Variants in NIPBL observed in about 807,000 individuals in gnomAD.
NIPBL encodes the protein NIPBL cohesin loading factor, also known as nipped-B-like protein.
NIPBL carries 19 observed loss-of-function variants against 321.8 expected under a neutral mutation model. The ratio of observed to expected loss-of-function variants is 0.06; its 90% confidence interval spans 0.04 to 0.09. The LOEUF is 0.09. NIPBL is among the 10% of genes least tolerant of loss of function. NIPBL has a pLI of 1.00. For missense variants in NIPBL, 2,210 were observed against 3,327.0 expected, an observed-to-expected ratio of 0.66 and a Z score of 8.26; for synonymous variants, 1,106 against 1,114.1, an observed-to-expected ratio of 0.99 and a Z score of 0.14.
At position 36,995,784 on chromosome 5, in the gene NIPBL, A is replaced by C. The variant is rs1746075684; in HGVS notation, c.3284A>C (p.Asp1095Ala). Residue 1095 changes from aspartate (D) to alanine (A), a missense_variant, in exon 11 of 47, where the codon GAT becomes GCT. This residue lies in a region of NIPBL where 381 missense variants were observed against 642.3 expected (regional missense o/e 0.59). Coordinates refer to ENST00000282516, the MANE Select transcript of NIPBL (RefSeq NM_133433.4). ...GAAATCAGTTCAGATGAAGATAATG[A>C]TAGTGATGAAGCTTTTGAATGTAAG... ...YAEISSDEDN[D>A]SDEAFESSRK... 1 of 1,613,288 alleles carries C rather than the reference A, an allele frequency of 6.2e-7. No individual in the cohort carries two copies. The highest frequency in any genetic ancestry group is 1.7e-5 in the Admixed American group (1 of 59,958).
chr5:36,957,766 T>C (rs1580329030), intron 3 of NIPBL, among the ~76,000 whole-genome samples: 1 of 149,250 alleles, frequency 6.7e-6, no homozygotes, highest in African/African-American at 2.6e-5. Flanking sequence ...GCAGACCATC[T>C]GAGGTCAGGA....
At chr5:37,058,854 T>G (rs373494890) in intron 43 of NIPBL, 37 bp from the exon 44 acceptor site, 91 of 1,600,876 alleles carry the variant, frequency 5.7e-5, no homozygotes, top group Non-Finnish European at 6.9e-5. Flanking sequence ...TAGTGGCATT[T>G]TGTTTTTATT....
At chr5:36,948,044 A>C (rs539515272) in intron 1 of NIPBL, among the ~76,000 whole-genome samples, 2 of 152,088 alleles carry the variant, frequency 1.3e-5, no homozygotes, top group South Asian at 4.1e-4. Flanking sequence ...AGAGATTAAA[A>C]TATAGAATCA....
intron 9 of NIPBL, among the ~76,000 whole-genome samples, chr5:36,982,543 AC>A (rs1473599821): frequency 6.6e-6 from 1 of 151,826 alleles, no homozygotes; most frequent in African/African-American, 2.4e-5. Flanking sequence ...ATACTGAAAA[AC>A]AATGGTAAGA....
intron 1 of NIPBL, among the ~76,000 whole-genome samples, chr5:36,892,012 A>T (rs1332276478): frequency 2.6e-5 from 4 of 152,134 alleles, no homozygotes; most frequent in Non-Finnish European, 4.4e-5. Flanking sequence ...GCCTGTGAGT[A>T]AAAATATAGT....
At chr5:36,883,541 CAA>C (rs1474975324) in intron 1 of NIPBL, among the ~76,000 whole-genome samples, 2 of 124,298 alleles carry the variant, frequency 1.6e-5, no homozygotes, top group Non-Finnish European at 3.2e-5. Flanking sequence ...TTAAAACTAA[CAA>C]ATGTCTAAAA....
At chr5:36,920,478 T>C (rs1169808553) in intron 1 of NIPBL, among the ~76,000 whole-genome samples, 3 of 152,184 alleles carry the variant, frequency 2.0e-5, no homozygotes, top group Non-Finnish European at 4.4e-5. Context: ...TTTAATTTTT[T>C]AATAGGTCAA....
At chr5:37,059,227 C>G in intron 44 of NIPBL, 62 bp downstream of exon 44, 15 of 1,578,874 alleles carry the variant, frequency 9.5e-6, no homozygotes, top group Non-Finnish European at 4.3e-6. Flanking sequence ...AATATTTGGG[C>G]TGGGTGTGGT....
intron 10 of NIPBL, among the ~76,000 whole-genome samples, chr5:36,994,150 T>TA (rs1745867971): frequency 6.6e-6 from 1 of 152,252 alleles, no homozygotes; most frequent in African/African-American, 2.4e-5. Flanking sequence ...AAAACTTAAC[T>TA]AGTTAAATTA....
At chr5:37,040,997 T>G (rs1752277981) in intron 34 of NIPBL, among the ~76,000 whole-genome samples, 1 of 152,092 alleles carries the variant, frequency 6.6e-6, no homozygotes, top group Non-Finnish European at 1.5e-5. Context: ...CATTTTCATA[T>G]CATTCGTTCA....
intron 23 of NIPBL, 135 bp from the exon 24 acceptor site, chr5:37,016,884 A>G: frequency 1.6e-6 from 1 of 617,454 alleles, no homozygotes. Context: ...AAATGACTTT[A>G]TGGGACAATA....
chr5:37,061,849 G>A (rs1017614253), intron 45 of NIPBL, among the ~76,000 whole-genome samples: 4 of 151,906 alleles, frequency 2.6e-5, no homozygotes, highest in African/African-American at 7.3e-5. Flanking sequence ...AATGCTGTTT[G>A]TTTTGTTTTG....
At chr5:36,937,100 A>G (rs750147732) in intron 1 of NIPBL, among the ~76,000 whole-genome samples, 8 of 152,160 alleles carry the variant, frequency 5.3e-5, no homozygotes, top group African/African-American at 1.4e-4. Context: ...GCATTTATCT[A>G]TAGTTAGTAG....
intron 21 of NIPBL, among the ~76,000 whole-genome samples, chr5:37,013,626 C>T (rs1305753022): frequency 1.3e-5 from 2 of 151,554 alleles, no homozygotes. Flanking sequence ...CGGGCAGAGA[C>T]GCTCCTCACT....
chr5:36,979,246 G>A (rs1743869676), intron 9 of NIPBL, among the ~76,000 whole-genome samples: 1 of 151,792 alleles, frequency 6.6e-6, no homozygotes, highest in Admixed American at 6.6e-5. Flanking sequence ...ATTTGTTTGT[G>A]TTATCTATGA....
In NIPBL at chr5:36,985,463, G is replaced by T. The variant is rs1221188225; in HGVS notation, c.2283G>T (p.Arg761Ser). 5 of 1,613,492 alleles carry T rather than the reference G, an allele frequency of 3.1e-6. No homozygotes were observed. The highest frequency in any genetic ancestry group is 4.2e-6 in the Non-Finnish European group (5 of 1,179,936). ...NEGRPETPKH[R>S]HDNRRDSGKP... ...GGCGACCTGAAACACCAAAACACAG[G>T]CATGACAATAGGAGGGATTCTGGAA... Residue 761 changes from arginine (R) to serine (S), a missense_variant, in exon 10 of 47, where the codon AGG (arginine) becomes AGT (serine). Physicochemically the swap from Arg to Ser is moderately radical, Grantham distance 110 (BLOSUM62 -1). Coordinates refer to ENST00000282516, the MANE Select transcript of NIPBL (RefSeq NM_133433.4).
chr5:36,888,867 A>T (rs2149521890), intron 1 of NIPBL, among the ~76,000 whole-genome samples: 1 of 152,184 alleles, frequency 6.6e-6, no homozygotes. Context: ...CAAAGCAAGC[A>T]TTTTCTTCGT....
rs183667684 is a variant in NIPBL, at chr5:37,023,616, G to A, written c.5575-969G>A. On this transcript the variant is annotated intron_variant, in intron 29 of 46. Coordinates refer to ENST00000282516, the MANE Select transcript of NIPBL (RefSeq NM_133433.4). ...CCAAATTAGCACTCTAGTATCATCT[G>A]AATACTAGTTCTTAGATCCTCCATT... 3.3e-5 allele frequency among the ~76,000 whole-genome samples: 5 copies of A among 152,112 alleles called. No individual in the cohort carries two copies. In the East Asian group the frequency reaches 9.7e-4, roughly 29 times the overall value.
At chr5:36,948,668 A>C (rs1739950566) in intron 1 of NIPBL, among the ~76,000 whole-genome samples, 1 of 151,954 alleles carries the variant, frequency 6.6e-6, no homozygotes, top group African/African-American at 2.4e-5. Flanking sequence ...TTATGAACTT[A>C]ACATAAAAAA....
Sources: allele counts gnomAD v4.1 joint callset (sites outside exome capture counted in the v4.1 genomes callset), GRCh38; gene constraint gnomAD v4.1.1; regional missense constraint gnomAD v4.1.1; transcripts MANE v1.5; gene names NCBI Gene and HGNC (gene_info 2026-07-23, HGNC 2026-07-21).